The following HS3ST4 variants were observed in gnomAD, a reference collection of about 807,000 sequenced individuals.
HS3ST4 encodes heparan sulfate glucosamine 3-O-sulfotransferase 4.
HS3ST4 carries 17 observed loss-of-function variants against 29.2 expected under a neutral mutation model. The observed-to-expected ratio is 0.58, with a 90% CI of 0.40 to 0.87. The LOEUF (loss-of-function observed/expected upper bound fraction) is 0.87, where lower values mean the gene tolerates loss of function less well. Ranked by LOEUF, HS3ST4 falls within the 40% of genes least tolerant of loss-of-function variation. HS3ST4 has a pLI of 0.00. For synonymous variants in HS3ST4, 314 were observed against 285.7 expected (o/e 1.10, Z -1.00); for missense variants, 627 against 634.5 (o/e 0.99, Z 0.13).
intron 1 of HS3ST4, among the ~76,000 whole-genome samples, chr16:25,906,767 C>A (rs369663391): frequency 6.6e-6 from 1 of 151,976 alleles, no homozygotes; most frequent in East Asian, 1.9e-4. Context: ...TATATGCCAA[C>A]GTGGCTGGTA....
Position 25,692,877 on chromosome 16 carries a change from A to G in HS3ST4, c.460A>G (p.Ser154Gly), listed in dbSNP as rs750117226. ...LAPSEMITAQ[S>G]ALPEREAQES... is the part of the protein sequence containing the mutation. ...CCCCAGCGAGATGATCACGGCTCAG[A>G]GCGCGCTGCCGGAGAGGGAAGCGCA... Residue 154 changes from serine (S) to glycine (G), a missense_variant, in exon 1 of 2, where the codon AGC becomes GGC. Around this residue, in one of 2 missense-constraint regions of HS3ST4, gnomAD observed 402 missense variants for 340.8 expected, o/e 1.18. Transcript: ENST00000331351. 5 of 1,544,608 alleles carry G rather than the reference A, an allele frequency of 3.2e-6. No homozygotes were observed. The Admixed American group carries it at 9.8e-5, about 30-fold the overall frequency.
rs1015143508 is a variant in HS3ST4, at chr16:25,759,315, A to G, written c.734+66164A>G. ...GCTTAATCTTCCCAATAGTCCTTCC[A>G]TCCTTCCATGTTGTCACATAGTAGC... On this transcript the variant is annotated intron_variant, in intron 1 of 1. Coordinates refer to ENST00000331351, the MANE Select transcript of HS3ST4 (RefSeq NM_006040.3). Among the ~76,000 whole-genome samples the G allele has an allele frequency of 4.9e-4, 74 of 152,258 alleles. 1 individual carries two copies. The highest frequency in any genetic ancestry group is 1.5e-5 in the Non-Finnish European group (1 of 68,046).
chr16:25,976,347 C>G (rs894046536), intron 1 of HS3ST4, among the ~76,000 whole-genome samples: 1 of 152,054 alleles, frequency 6.6e-6, no homozygotes, highest in African/African-American at 2.4e-5. Context: ...ACTCTGTCAC[C>G]CAGACTGGAG....
intron 1 of HS3ST4, among the ~76,000 whole-genome samples, chr16:25,871,187 A>G (rs1967748644): frequency 6.6e-6 from 1 of 152,212 alleles, no homozygotes. Flanking sequence ...TGGCAGGGAC[A>G]GTCTTCAAGT....
At chr16:25,842,838 A>G (rs1967429797) in intron 1 of HS3ST4, among the ~76,000 whole-genome samples, 1 of 152,214 alleles carries the variant, frequency 6.6e-6, no homozygotes, top group Admixed American at 6.5e-5. Context: ...GTGTGATATT[A>G]AACAAGTTAT....
chr16:25,765,750 T>C (rs1285334682), intron 1 of HS3ST4, among the ~76,000 whole-genome samples: 3 of 152,104 alleles, frequency 2.0e-5, no homozygotes, highest in Non-Finnish European at 4.4e-5. Flanking sequence ...ACAAACCTCA[T>C]GTAATTGTTG....
At chr16:25,835,989 C>T (rs535615798) in intron 1 of HS3ST4, among the ~76,000 whole-genome samples, 18 of 152,206 alleles carry the variant, frequency 1.2e-4, no homozygotes, top group South Asian at 4.1e-4. Flanking sequence ...AAGGGCATTC[C>T]GGAGGGCTGG....
chr16:26,021,755 C>A (rs1381008029), intron 1 of HS3ST4, among the ~76,000 whole-genome samples: 4 of 152,048 alleles, frequency 2.6e-5, no homozygotes, highest in African/African-American at 9.7e-5. Flanking sequence ...CCTCCGCCTC[C>A]TGAGTTCAAG....
chr16:26,114,027 G>A (rs1277260987), intron 1 of HS3ST4, among the ~76,000 whole-genome samples: 1 of 152,168 alleles, frequency 6.6e-6, no homozygotes, highest in African/African-American at 2.4e-5. Context: ...ACAAGGTTTG[G>A]TTCAGTCAGT....
At chr16:25,939,087 T>TAATTTAATC (rs1239176704) in intron 1 of HS3ST4, among the ~76,000 whole-genome samples, 6 of 152,060 alleles carry the variant, frequency 3.9e-5, no homozygotes, top group African/African-American at 1.4e-4. Flanking sequence ...CACTATTAAT[T>TAATTTAATC]GTTTGGCTGG....
At chr16:25,747,555 G>A (rs774547685) in intron 1 of HS3ST4, among the ~76,000 whole-genome samples, 4 of 152,182 alleles carry the variant, frequency 2.6e-5, no homozygotes, top group Non-Finnish European at 4.4e-5. Flanking sequence ...TAATCCTCAC[G>A]ACTCTTATCA....
At chr16:25,927,520 A>G (rs943867697) in intron 1 of HS3ST4, among the ~76,000 whole-genome samples, 8 of 152,162 alleles carry the variant, frequency 5.3e-5, no homozygotes, top group African/African-American at 1.9e-4. Flanking sequence ...AATTCCCGTG[A>G]CAGCTTTGAT....
intron 1 of HS3ST4, among the ~76,000 whole-genome samples, chr16:25,793,072 G>A (rs1403435003): frequency 6.6e-6 from 1 of 151,580 alleles, no homozygotes; most frequent in African/African-American, 2.4e-5. Flanking sequence ...GGATATTTTA[G>A]TTTTTTTCTA....
chr16:25,763,221 G>T (rs1966799513), intron 1 of HS3ST4, among the ~76,000 whole-genome samples: 1 of 152,128 alleles, frequency 6.6e-6, no homozygotes, highest in Non-Finnish European at 1.5e-5. Flanking sequence ...AAAACTTCAG[G>T]TTTATAGGAG....
chr16:26,121,094 G>A (rs1333140827), intron 1 of HS3ST4, among the ~76,000 whole-genome samples: 3 of 152,158 alleles, frequency 2.0e-5, no homozygotes, highest in Non-Finnish European at 4.4e-5. Flanking sequence ...TATAAAATGG[G>A]AATTGTATAT....
In HS3ST4 at chr16:26,016,565, A is replaced by G. The variant is rs1455544108; in HGVS notation, c.735-119047A>G. Among the ~76,000 whole-genome samples the G allele has an allele frequency of 2.0e-5, 3 of 152,232 alleles. No homozygotes were observed. The East Asian group carries it at 5.8e-4, about 29-fold the overall frequency. ...AGACTTAGGCCCTTCATCCACAATA[A>G]TATCTGCATTAAATTTTTTAAAATG... On this transcript the variant is annotated intron_variant, in intron 1 of 1. Coordinates refer to ENST00000331351, the MANE Select transcript of HS3ST4 (RefSeq NM_006040.3).
chr16:25,953,625 G>A (rs1968701586), intron 1 of HS3ST4, among the ~76,000 whole-genome samples: 1 of 152,136 alleles, frequency 6.6e-6, no homozygotes, highest in African/African-American at 2.4e-5. Flanking sequence ...GAGCATGAGT[G>A]GCCATCTTAG....
chr16:25,797,687 C>CAT (rs1966894707), intron 1 of HS3ST4, among the ~76,000 whole-genome samples: 1 of 152,270 alleles, frequency 6.6e-6, no homozygotes, highest in South Asian at 2.1e-4. Flanking sequence ...AAGTACTGCT[C>CAT]ATATACCATT....
chr16:25,977,098 T>C (rs1448358297), intron 1 of HS3ST4, among the ~76,000 whole-genome samples: 3 of 152,220 alleles, frequency 2.0e-5, no homozygotes, highest in Admixed American at 1.3e-4. Flanking sequence ...TTGACTGTTA[T>C]GTGGCACAGA....
Sources: allele counts gnomAD v4.1 joint callset (sites outside exome capture counted in the v4.1 genomes callset), GRCh38; gene constraint gnomAD v4.1.1; regional missense constraint gnomAD v4.1.1; transcripts MANE v1.5; gene names NCBI Gene and HGNC (gene_info 2026-07-23, HGNC 2026-07-21).